Variants in LIPA observed in about 807,000 individuals in gnomAD.
LIPA encodes lysosomal acid lipase/cholesteryl ester hydrolase.
LIPA carries 26 observed loss-of-function variants against 40.6 expected under a neutral mutation model. The observed-to-expected ratio is 0.64, with a 90% CI of 0.47 to 0.89. LIPA has a LOEUF of 0.89. LIPA is among the 40% of genes least tolerant of loss of function. The pLI is 0.00. For missense variants in LIPA, 455 were observed against 479.6 expected, an observed-to-expected ratio of 0.95 and a Z score of 0.48; for synonymous variants, 188 against 168.4, an observed-to-expected ratio of 1.12 and a Z score of -0.90.
intron 1 of LIPA, among the ~76,000 whole-genome samples, chr10:89,248,047 T>G (rs951764980): frequency 1.3e-5 from 2 of 151,860 alleles, no homozygotes; most frequent in African/African-American, 4.8e-5. Context: ...TTTGTATTTT[T>G]GTAGCGATGG....
rs748267444 is a variant in LIPA at position 89,226,978 on chromosome 10, A to G, written c.455T>C (p.Leu152Pro). ...FSYDEMAKYD[L>P]PASINFILNK... ...CAGAATGAAGTTAATGGAAGCTGGT[A>G]GGTCATATTTTGCCATCTCATCATA... is the stretch of plus-strand genomic sequence containing the variant. Residue 152 changes from leucine (L) to proline (P), a missense_variant, in exon 5 of 10, where the codon CTA (leucine) becomes CCA (proline). By Grantham distance (98) the Leu-to-Pro change is moderately conservative (BLOSUM62 -3). Coordinates refer to ENST00000336233, the MANE Select transcript of LIPA (RefSeq NM_000235.4). 7 of 1,612,796 alleles carry G rather than the reference A, an allele frequency of 4.3e-6. No homozygotes were observed. The highest frequency in any genetic ancestry group is 5.9e-6 in the Non-Finnish European group (7 of 1,178,944).
chr10:89,384,255 T>C (rs1273235545), intron 2 of LIPA: 3 of 1,614,112 alleles, frequency 1.9e-6, no homozygotes, highest in Admixed American at 3.3e-5. Flanking sequence ...GAGGGCAAGA[T>C]AGGGAAACTG....
chr10:89,378,074 C>T lies in LIPA; in HGVS notation c.61+34717G>A. 8 of 1,592,978 alleles carry T rather than the reference C, an allele frequency of 5.0e-6. No homozygotes were observed. The South Asian group carries it at 8.9e-5, about 18-fold the overall frequency. On this transcript the variant is annotated intron_variant, in intron 2 of 8. Transcript: ENST00000371837. ...AAGCCCTAGAACTCTGTGGATGAAC[C>T]TTGAAGGAGCCTCCAAGCCTGAACC...
chr10:89,402,994 T>C (rs1488551366), intron 2 of LIPA: 18 of 1,614,012 alleles, frequency 1.1e-5, no homozygotes, highest in African/African-American at 5.3e-5. Flanking sequence ...GAAAAGTACA[T>C]TGAAGAAGCT....
At chr10:89,337,524 C>T (rs1564791333) in intron 1 of LIPA, among the ~76,000 whole-genome samples, 1 of 152,174 alleles carries the variant, frequency 6.6e-6, no homozygotes, top group Admixed American at 6.5e-5. Context: ...CTCAGCCTCC[C>T]GAATGGCGAG....
intron 1 of LIPA, among the ~76,000 whole-genome samples, chr10:89,332,135 G>A (rs1009641129): frequency 2.0e-5 from 3 of 152,184 alleles, no homozygotes; most frequent in African/African-American, 7.2e-5. Flanking sequence ...GGAGGCTGAG[G>A]CAGGAGAATC....
At chr10:89,340,965 G>A (rs1843862974) in intron 1 of LIPA, 1 of 152,152 alleles carries the variant, frequency 6.6e-6, no homozygotes, top group South Asian at 2.1e-4. Context: ...TTTCAACTCT[G>A]TTAGAATAGA....
chr10:89,222,362 A>G, intron 8 of LIPA, 149 bp downstream of exon 8: 1 of 707,554 alleles, frequency 1.4e-6, no homozygotes, highest in South Asian at 1.5e-5. Context: ...AAGCAACACA[A>G]GCACGATGAC....
At chr10:89,252,601 A>C (rs1018938379), upstream of LIPA, among the ~76,000 whole-genome samples, 2 of 152,212 alleles carry the variant, frequency 1.3e-5, no homozygotes, top group Admixed American at 1.3e-4. Context: ...TGAGGACAGG[A>C]GTTCAGGACC....
chr10:89,296,928 A>C (rs1843418861), intron 1 of LIPA, among the ~76,000 whole-genome samples: 1 of 152,238 alleles, frequency 6.6e-6, no homozygotes, highest in African/African-American at 2.4e-5. Context: ...ATACCAGGGC[A>C]ACAAGCAGGG....
At chr10:89,250,070 T>C (rs1258784523) in intron 1 of LIPA, among the ~76,000 whole-genome samples, 1 of 125,188 alleles carries the variant, frequency 8.0e-6, no homozygotes, top group African/African-American at 3.1e-5. Context: ...TTCTTTTCTT[T>C]TTTCTTTTTT....
intron 1 of LIPA, among the ~76,000 whole-genome samples, chr10:89,269,372 G>A (rs539280856): frequency 1.1e-4 from 16 of 152,084 alleles, no homozygotes; most frequent in Non-Finnish European, 1.8e-4. Context: ...TTTTAAGCCA[G>A]GATACGCTCT....
At chr10:89,394,588 A>ATATATATATATTT (rs1844307745) in intron 2 of LIPA, among the ~76,000 whole-genome samples, 12 of 21,624 alleles carry the variant, frequency 5.5e-4, no homozygotes, top group African/African-American at 3.6e-3. Context: ...ATATATATAT[A>ATATATATATATTT]TATATATATA....
chr10:89,247,661 AAC>A lies in LIPA; in HGVS notation c.-1-14_-1-13del, dbSNP rs764834812. 5.2e-6 allele frequency: 8 copies of A among 1,531,400 alleles called. No individual in the cohort carries two copies. Among genetic ancestry groups the A allele is most frequent in the Non-Finnish European group, 7.2e-6 (8 of 1,104,778 alleles). The allele number at this position is 1,531,400 out of a possible 1,614,324, so 94.9% of individuals were successfully genotyped here. On this transcript the variant is annotated splice_polypyrimidine_tract_variant and intron_variant, in intron 1 of 9. Coordinates refer to ENST00000336233, the MANE Select transcript of LIPA (RefSeq NM_000235.4). ...ACCGCATTTTCATTCTGTATAATAA[AAC>A]AGTCTATTATTATTTGCTTGAATTT...
intron 2 of LIPA, among the ~76,000 whole-genome samples, chr10:89,382,001 C>A (rs1458839768): frequency 1.3e-5 from 2 of 152,218 alleles, no homozygotes; most frequent in East Asian, 3.9e-4. Context: ...AACTCCTGAG[C>A]TCAGGCAATC....
chr10:89,214,972 G>A lies in LIPA; in HGVS notation c.1056C>T (p.Asp352=), dbSNP rs1564748504. 5 of 1,613,846 alleles carry A rather than the reference G, an allele frequency of 3.1e-6. No homozygotes were observed. The highest frequency in any genetic ancestry group is 4.5e-5 in the East Asian group (2 of 44,900). The change falls in exon 10 of 10, where the codon GAC becomes GAT. Residue 352 remains aspartate (D), a synonymous_variant. Transcript: ENST00000336233. The stretch of plus-strand genomic sequence containing the variant: ...TGATCTGAGTCAGTAAGATATTGAC[G>A]TCGTAGACATCTGCAAGCCAGTCGT... The part of the protein sequence containing the change: ...GGHDWLADVY[D]VNILLTQITN...
chr10:89,288,763 A>G (rs1843354870), intron 1 of LIPA, among the ~76,000 whole-genome samples: 1 of 152,114 alleles, frequency 6.6e-6, no homozygotes, highest in African/African-American at 2.4e-5. Context: ...ATTATCTCTC[A>G]GCAAGCCAAA....
At chr10:89,293,039 A>T (rs1380036927) in intron 1 of LIPA, among the ~76,000 whole-genome samples, 1 of 152,150 alleles carries the variant, frequency 6.6e-6, no homozygotes, top group African/African-American at 2.4e-5. Context: ...CTCATCTCAA[A>T]TTATAATCCC....
intron 2 of LIPA, among the ~76,000 whole-genome samples, chr10:89,382,829 A>G (rs304493): frequency 0.35 from 53,399 of 152,136 alleles, 11,553 homozygotes; most frequent in East Asian, 0.62. Flanking sequence ...ATTTGAAACC[A>G]TATTTGGCTC....
Sources: allele counts gnomAD v4.1 joint callset (sites outside exome capture counted in the v4.1 genomes callset), GRCh38; gene constraint gnomAD v4.1.1; transcripts MANE v1.5; gene names NCBI Gene and HGNC (gene_info 2026-07-23, HGNC 2026-07-21).